Variants in GPR158 observed in about 807,000 individuals in gnomAD.
GPR158 encodes metabotropic glycine receptor.
GPR158 carries 30 observed loss-of-function variants against 78.2 expected under a neutral mutation model. The observed-to-expected ratio is 0.38, with a 90% CI of 0.29 to 0.52. The LOEUF is 0.52. Among genes scored for constraint, GPR158 ranks in the 20% least tolerant of loss-of-function variants. The pLI is 0.83. For synonymous variants in GPR158, 581 were observed against 591.1 expected (o/e 0.98, Z 0.25); for missense variants, 1,463 against 1,523.5 (o/e 0.96, Z 0.66).
At chr10:25,212,818 G>A (rs1853152835) in intron 1 of GPR158, among the ~76,000 whole-genome samples, 1 of 151,932 alleles carries the variant, frequency 6.6e-6, no homozygotes, top group Non-Finnish European at 1.5e-5. Flanking sequence ...TTTTATTAAA[G>A]ACGGGGTTTC....
At position 25,399,831 on chromosome 10, in the gene GPR158, TTCA is replaced by T. The variant is rs1168894690; in HGVS notation, c.1111+3823_1111+3825del. 2.6e-5 allele frequency among the ~76,000 whole-genome samples: 4 copies of T among 152,196 alleles called. No homozygotes were observed. The South Asian group carries it at 6.2e-4, about 24-fold the overall frequency. Reference sequence around the variant, plus strand: ...TCTGTGTTTTAATTTATTAGGCCTCTTCATCATAGTATCCAGGCAAGTTATAGG... The same window carrying T: ...TCTGTGTTTTAATTTATTAGGCCTCTTCATAGTATCCAGGCAAGTTATAGG... On this transcript the variant is annotated intron_variant, in intron 3 of 10. Coordinates refer to ENST00000376351, the MANE Select transcript of GPR158 (RefSeq NM_020752.3).
chr10:25,467,015 G>C (rs981856852), intron 5 of GPR158, among the ~76,000 whole-genome samples: 3 of 152,164 alleles, frequency 2.0e-5, no homozygotes, highest in Non-Finnish European at 4.4e-5. Context: ...GCCCTCAGGA[G>C]GTCCTGAGAG....
chr10:25,232,333 T>A (rs1853459644), intron 2 of GPR158, among the ~76,000 whole-genome samples: 1 of 152,208 alleles, frequency 6.6e-6, no homozygotes, highest in Non-Finnish European at 1.5e-5. Flanking sequence ...AGATCTAATC[T>A]GGCACTCCCT....
chr10:25,574,541 A>G (rs1837060925), intron 7 of GPR158, among the ~76,000 whole-genome samples: 2 of 152,216 alleles, frequency 1.3e-5, no homozygotes, highest in Admixed American at 1.3e-4. Context: ...TTCTTTAACC[A>G]TGGGTAATGT....
chr10:25,264,356 C>A (rs1564405740), intron 2 of GPR158, among the ~76,000 whole-genome samples: 1 of 152,178 alleles, frequency 6.6e-6, no homozygotes. Flanking sequence ...CATTTCCAAG[C>A]TGCAGGGATG....
chr10:25,175,637 A>G lies in GPR158; in HGVS notation c.217A>G (p.Lys73Glu), dbSNP rs1341406704. Residue 73 changes from lysine (K) to glutamate (E), a missense_variant, in exon 1 of 11, where the codon AAA (lysine) becomes GAA (glutamate). Physicochemically the swap from Lys to Glu is moderately conservative, Grantham distance 56 (BLOSUM62 1). Transcript: ENST00000376351. The surrounding 1 kb of genome is among the most constrained non-coding windows in gnomAD (Gnocchi z 6.4). Reference sequence around the variant, plus strand: ...CACCGATGGCACCATCTTGGCGCAGAAACTCGCCGAGGAGGTGCCCATGGA... The same window carrying G: ...CACCGATGGCACCATCTTGGCGCAGGAACTCGCCGAGGAGGTGCCCATGGA... ...RSTDGTILAQKLAEEVPMDVA... is the reference protein window; with the variant it reads ...RSTDGTILAQELAEEVPMDVA... 1 of 1,611,248 alleles carries G rather than the reference A, an allele frequency of 6.2e-7. No homozygotes were observed.
intron 2 of GPR158, among the ~76,000 whole-genome samples, chr10:25,389,649 C>A (rs1398631326): frequency 6.6e-6 from 1 of 152,180 alleles, no homozygotes; most frequent in East Asian, 1.9e-4. Context: ...ACAAACAGGG[C>A]TGAAACACGC....
At chr10:25,332,218 T>G (rs563355586) in intron 2 of GPR158, among the ~76,000 whole-genome samples, 6 of 152,304 alleles carry the variant, frequency 3.9e-5, no homozygotes, top group Non-Finnish European at 7.4e-5. Context: ...GCTGACAAGC[T>G]TGGAGGCCCC....
intron 1 of GPR158, among the ~76,000 whole-genome samples, chr10:25,209,145 G>A (rs12784569): frequency 0.11 from 16,346 of 152,036 alleles, 1,376 homozygotes; most frequent in East Asian, 0.37. Flanking sequence ...GAGCCACTGC[G>A]CCCAGCCACT....
chr10:25,463,395 CTGGATGGATGGATGGA>C (rs10532888), intron 4 of GPR158, among the ~76,000 whole-genome samples: 2,690 of 149,674 alleles, frequency 0.018, 87 homozygotes, highest in African/African-American at 0.063. Context: ...TGAGGTTTGT[CTGGATGGATGGATGGA>C]TGGATGGATG....
intron 2 of GPR158, among the ~76,000 whole-genome samples, chr10:25,370,729 C>T (rs563082654): frequency 3.5e-4 from 53 of 151,146 alleles, no homozygotes; most frequent in Non-Finnish European, 6.8e-4. Flanking sequence ...TCCTTGTTAA[C>T]TTTCTGTCTC....
At chr10:25,429,037 A>G (rs1040396150) in intron 4 of GPR158, among the ~76,000 whole-genome samples, 20 of 152,064 alleles carry the variant, frequency 1.3e-4, no homozygotes, top group Admixed American at 2.0e-4. Flanking sequence ...TGTTCTGTTT[A>G]GGGATAGCCC....
At chr10:25,558,938 G>A (rs1309596342) in intron 6 of GPR158, among the ~76,000 whole-genome samples, 1 of 152,116 alleles carries the variant, frequency 6.6e-6, no homozygotes, top group African/African-American at 2.4e-5. Flanking sequence ...AATGTTCCAT[G>A]GGCACTTGAG....
intron 2 of GPR158, among the ~76,000 whole-genome samples, chr10:25,382,144 C>G (rs1834163277): frequency 6.6e-6 from 1 of 152,184 alleles, no homozygotes. Context: ...GTTTCATTAT[C>G]TGAAAGTGTC....
In GPR158 at chr10:25,551,085, G is replaced by A; in HGVS notation, c.1514G>A (p.Arg505Lys). 6.8e-7 allele frequency: 1 copy of A among 1,469,984 alleles called. No homozygotes were observed. The highest frequency in any genetic ancestry group is 9.5e-7 in the Non-Finnish European group (1 of 1,048,622). The allele number at this position is 1,469,984 out of a possible 1,614,324, so 91.1% of individuals were successfully genotyped here. A position where few individuals can be genotyped will look rare whatever the true frequency, so the allele number is the denominator to read the frequency against. The change falls in exon 6 of 11, where the codon AGG (arginine) becomes AAG (lysine). Residue 505 changes from arginine (R) to lysine (K), a missense_variant and splice_region_variant. Physicochemically the swap from Arg to Lys is conservative, Grantham distance 26. Transcript: ENST00000376351. ...GGAACTGTCACTCTCAAACTTCACA[G>A]GTATATACATTTTATTCATCGTCAT... Reference protein sequence around the residue: ...VYGTVTLKLHRVLKVFLSRTA... With the variant: ...VYGTVTLKLHKVLKVFLSRTA...
At position 25,175,125 on chromosome 10, in the gene GPR158, G is replaced by A. The variant is rs1170701913; in HGVS notation, c.-296G>A. ...GACTCGGGCTGACTCCAGCCGCTGGGAGCGCGAGGCCATGTAACCCGCTCG... is the reference window on the plus strand; with the variant it reads ...GACTCGGGCTGACTCCAGCCGCTGGAAGCGCGAGGCCATGTAACCCGCTCG... On this transcript the variant is annotated 5_prime_UTR_variant, in exon 1 of 11. Transcript: ENST00000376351. The surrounding 1 kb of genome is among the most constrained non-coding windows in gnomAD (Gnocchi z 6.4). 3 of 291,594 alleles carry A rather than the reference G, an allele frequency of 1.0e-5. No individual in the cohort carries two copies. The highest frequency in any genetic ancestry group is 1.9e-5 in the Non-Finnish European group (3 of 156,532). The allele number at this position is 291,594 out of a possible 1,614,324, so 18.1% of individuals were successfully genotyped here. A position where few individuals can be genotyped will look rare whatever the true frequency, so the allele number is the denominator to read the frequency against.
chr10:25,543,798 A>C (rs9919420), intron 5 of GPR158, among the ~76,000 whole-genome samples: 82,384 of 152,032 alleles, frequency 0.54, 24,367 homozygotes, highest in African/African-American at 0.78. Context: ...ACAAAAGATA[A>C]AATTTTATTT....
intron 2 of GPR158, among the ~76,000 whole-genome samples, chr10:25,388,328 CTG>C (rs1349353549): frequency 1.3e-5 from 2 of 152,176 alleles, no homozygotes; most frequent in African/African-American, 4.8e-5. Flanking sequence ...AGTGGGTCCT[CTG>C]TGGCCTGAGT....
intron 6 of GPR158, among the ~76,000 whole-genome samples, chr10:25,555,036 AGAAG>A (rs1045066131): frequency 6.6e-6 from 1 of 151,816 alleles, no homozygotes; most frequent in African/African-American, 2.4e-5. Context: ...AGAAGAGAAA[AGAAG>A]GAAGGAAAAG....
Sources: allele counts gnomAD v4.1 joint callset (sites outside exome capture counted in the v4.1 genomes callset), GRCh38; gene constraint gnomAD v4.1.1; non-coding constraint Gnocchi (gnomAD v3.1); transcripts MANE v1.5; gene names NCBI Gene and HGNC (gene_info 2026-07-23, HGNC 2026-07-21).